Variants in KANSL1L observed in about 807,000 individuals in gnomAD.
KANSL1L encodes KAT8 regulatory NSL complex subunit 1-like protein.
In KANSL1L, 25 loss-of-function variants were observed where a neutral mutation model predicts 108.6. That is an observed-to-expected ratio of 0.23 (90% confidence interval 0.17 to 0.32). KANSL1L has a LOEUF of 0.32. KANSL1L is among the 10% of genes least tolerant of loss of function. The pLI is 1.00. For synonymous variants in KANSL1L, 405 were observed against 395.1 expected (o/e 1.03, Z -0.30); for missense variants, 1,137 against 1,125.7 (o/e 1.01, Z -0.14).
chr2:210,132,800 G>T (rs919014966), intron 2 of KANSL1L, among the ~76,000 whole-genome samples: 14 of 152,010 alleles, frequency 9.2e-5, no homozygotes, highest in African/African-American at 3.4e-4. Context: ...TTTGGTTTTG[G>T]AATCAAGCTA....
intron 2 of KANSL1L, chr2:210,151,466 T>C (rs1285394753): frequency 6.6e-6 from 1 of 152,236 alleles, no homozygotes; most frequent in East Asian, 1.9e-4. Flanking sequence ...TTGGTAAATT[T>C]TCAGACTTCT....
intron 8 of KANSL1L, among the ~76,000 whole-genome samples, chr2:210,033,216 T>TG (rs2094046150): frequency 6.6e-6 from 1 of 152,196 alleles, no homozygotes; most frequent in Non-Finnish European, 1.5e-5. Flanking sequence ...ACGATGCACT[T>TG]GCATGTCAAA....
At chr2:210,100,704 T>C in intron 4 of KANSL1L, among the ~76,000 whole-genome samples, 1 of 152,190 alleles carries the variant, frequency 6.6e-6, no homozygotes, top group Non-Finnish European at 1.5e-5. Context: ...AGTGGTGCCA[T>C]CTGGCTCACT....
intron 2 of KANSL1L, among the ~76,000 whole-genome samples, chr2:210,143,686 T>A (rs1250345064): frequency 6.6e-6 from 1 of 152,154 alleles, no homozygotes; most frequent in Admixed American, 6.5e-5. Flanking sequence ...TCATAGTTAT[T>A]AGGAGTCTAT....
At chr2:210,156,363 C>CA (rs2095333171) in intron 1 of KANSL1L, among the ~76,000 whole-genome samples, 1 of 151,842 alleles carries the variant, frequency 6.6e-6, no homozygotes. Context: ...ATGTGTTTGT[C>CA]AAACACATTT....
At chr2:210,108,174 C>T (rs970555035) in intron 3 of KANSL1L, among the ~76,000 whole-genome samples, 1 of 152,098 alleles carries the variant, frequency 6.6e-6, no homozygotes, top group African/African-American at 2.4e-5. Flanking sequence ...CAACTAAACA[C>T]TTTGATTAAT....
chr2:210,162,222 G>GTATATATATATATATATATATATA (rs71043976), intron 1 of KANSL1L, among the ~76,000 whole-genome samples: 1,415 of 107,170 alleles, frequency 0.013, 46 homozygotes, highest in Non-Finnish European at 0.016. Context: ...AGTGGTTCAG[G>GTATATATATATATATATATATATA]TATATATATA....
At chr2:210,090,314 G>A (rs969218209) in intron 5 of KANSL1L, among the ~76,000 whole-genome samples, 2 of 152,010 alleles carry the variant, frequency 1.3e-5, no homozygotes, top group Admixed American at 6.6e-5. Flanking sequence ...TCAGTGATCT[G>A]TTGAGTAGCA....
rs2095319888 is a variant in KANSL1L, at chr2:210,154,082, T to C, written c.501A>G (p.Gln167=). ...CTTGATACCATTTACAGTTTTGTAG[T>C]TGTACTTTATCTACATTAGTGTCTT... The part of the protein sequence containing the change: ...ITKDTNVDKV[Q]LQNCKWYQEN... The change falls in exon 2 of 15, where the codon CAA becomes CAG. Residue 167 remains glutamine (Q), a synonymous_variant. Transcript: ENST00000281772. The C allele has an allele frequency of 1.2e-6, 2 of 1,613,050 alleles. No individual in the cohort carries two copies. Among genetic ancestry groups the C allele is most frequent in the African/African-American group, 1.3e-5 (1 of 74,880 alleles).
At chr2:210,050,479 C>T (rs1238756411) in intron 6 of KANSL1L, among the ~76,000 whole-genome samples, 1 of 152,068 alleles carries the variant, frequency 6.6e-6, no homozygotes, top group Non-Finnish European at 1.5e-5. Flanking sequence ...ACATACCACT[C>T]AAGCACTAGT....
intron 2 of KANSL1L, among the ~76,000 whole-genome samples, chr2:210,135,384 C>A (rs1376867381): frequency 1.3e-5 from 2 of 152,170 alleles, no homozygotes; most frequent in African/African-American, 4.8e-5. Flanking sequence ...CCCCTAATAT[C>A]CATCCTCCTA....
At chr2:210,141,750 A>T (rs775892529) in intron 2 of KANSL1L, among the ~76,000 whole-genome samples, 23 of 152,168 alleles carry the variant, frequency 1.5e-4, no homozygotes, top group Non-Finnish European at 3.2e-4. Context: ...CATTCCTTCG[A>T]TACCTAATCT....
In KANSL1L at chr2:210,043,996, T is replaced by G; in HGVS notation, c.1864A>C (p.Arg622=). The G allele has an allele frequency of 6.2e-7, 1 of 1,609,338 alleles. No individual in the cohort carries two copies. The highest frequency in any genetic ancestry group is 8.5e-7 in the Non-Finnish European group (1 of 1,177,302). The change falls in exon 7 of 15, where the codon AGA becomes CGA. Residue 622 remains arginine, a synonymous_variant. Coordinates refer to ENST00000281772, the MANE Select transcript of KANSL1L (RefSeq NM_152519.4). ...GAATCTAACTCTGATACATGTTCTCTTAATAGGTAAGACTCCGAATTGTGT... is the reference window on the plus strand; with the variant it reads ...GAATCTAACTCTGATACATGTTCTCGTAATAGGTAAGACTCCGAATTGTGT... ...YEHNSESYLL[R]EHVSELDSSF...
chr2:210,047,814 G>A (rs1028492791), intron 6 of KANSL1L, among the ~76,000 whole-genome samples: 4 of 152,088 alleles, frequency 2.6e-5, no homozygotes, highest in African/African-American at 9.7e-5. Flanking sequence ...CAAAGGATGC[G>A]ATCTTTCTCT....
At chr2:210,156,352 A>G (rs981872048) in intron 1 of KANSL1L, among the ~76,000 whole-genome samples, 2 of 152,094 alleles carry the variant, frequency 1.3e-5, no homozygotes, top group African/African-American at 4.8e-5. Flanking sequence ...CAATGTAGAA[A>G]ATGTGTTTGT....
intron 2 of KANSL1L, among the ~76,000 whole-genome samples, chr2:210,131,420 C>T (rs923363780): frequency 2.0e-5 from 3 of 152,076 alleles, no homozygotes; most frequent in Non-Finnish European, 1.5e-5. Flanking sequence ...CTTAAACATT[C>T]TTTAAGTTTT....
Position 210,154,524 on chromosome 2 carries a change from C to T in KANSL1L, c.59G>A (p.Ser20Asn). The change falls in exon 2 of 15, where the codon AGT becomes AAT. Residue 20 changes from serine to asparagine, a missense_variant. This residue lies in a region of KANSL1L where 556 missense variants were observed against 537.7 expected (regional missense o/e 1.03). Transcript: ENST00000281772. ...AKGISFSSLP[S>N]TMESDKMLYM... ...GAGCATCTTGTCAGACTCCATGGTA[C>T]TTGGCAAAGATGAAAAGCTGATACC... 1 of 1,585,906 alleles carries T rather than the reference C, an allele frequency of 6.3e-7. No homozygotes were observed. The highest frequency in any genetic ancestry group is 8.6e-7 in the Non-Finnish European group (1 of 1,165,530).
intron 3 of KANSL1L, among the ~76,000 whole-genome samples, chr2:210,125,448 C>T (rs550067969): frequency 8.2e-4 from 125 of 152,224 alleles, no homozygotes; most frequent in Non-Finnish European, 1.6e-3. Context: ...GAGGAAGGAA[C>T]ACTTCTTAAT....
intron 5 of KANSL1L, among the ~76,000 whole-genome samples, chr2:210,081,451 A>G (rs1229103382): frequency 2.6e-5 from 4 of 152,276 alleles, no homozygotes; most frequent in South Asian, 2.1e-4. Context: ...CCCTCCAAAG[A>G]CTAGGTCAAA....
Sources: allele counts gnomAD v4.1 joint callset (sites outside exome capture counted in the v4.1 genomes callset), GRCh38; gene constraint gnomAD v4.1.1; regional missense constraint gnomAD v4.1.1; transcripts MANE v1.5; gene names NCBI Gene and HGNC (gene_info 2026-07-23, HGNC 2026-07-21).